Variants in PEBP4 observed in about 807,000 individuals in gnomAD.
PEBP4 encodes the protein phosphatidylethanolamine-binding protein 4.
In PEBP4, 22 loss-of-function variants were observed where a neutral mutation model predicts 23.9. The observed-to-expected ratio is 0.92, with a 90% confidence interval of 0.66 to 1.31. The LOEUF (loss-of-function observed/expected upper bound fraction) is 1.31. PEBP4 is among the 40% of genes most tolerant of loss of function. The pLI is 0.00. For missense variants in PEBP4, 324 were observed against 281.7 expected (o/e 1.15, Z -1.07); for synonymous variants, 112 against 99.3 (o/e 1.13, Z -0.76).
At position 22,813,027 on chromosome 8, in the gene PEBP4, C is replaced by G. The variant is rs563999560; in HGVS notation, c.357+4610G>C. On this transcript the variant is annotated intron_variant, in intron 4 of 6. Transcript: ENST00000256404. Reference sequence around the variant, plus strand: ...TCAAGCACAAGTGTCCTGGCATGTGCTACCCACATAACTAGAAAGCAGGGA... The same window carrying G: ...TCAAGCACAAGTGTCCTGGCATGTGGTACCCACATAACTAGAAAGCAGGGA... Among the ~76,000 whole-genome samples the G allele has an allele frequency of 2.6e-5, 4 of 152,302 alleles. 1 individual carries two copies. In the South Asian group the frequency reaches 8.3e-4, roughly 32 times the overall value.
At chr8:22,771,927 T>C (rs757332395) in intron 4 of PEBP4, among the ~76,000 whole-genome samples, 3 of 152,276 alleles carry the variant, frequency 2.0e-5, no homozygotes, top group Non-Finnish European at 4.4e-5. Flanking sequence ...ACAGTGCCTA[T>C]GGGGTAGCCC....
intron 3 of PEBP4, among the ~76,000 whole-genome samples, chr8:22,838,432 T>C (rs747467439): frequency 1.3e-5 from 2 of 152,200 alleles, no homozygotes; most frequent in Non-Finnish European, 2.9e-5. Flanking sequence ...CCTGACACTG[T>C]ATTGCTTGCT....
intron 3 of PEBP4, among the ~76,000 whole-genome samples, chr8:22,903,997 G>C (rs550651446): frequency 6.6e-6 from 1 of 152,354 alleles, no homozygotes; most frequent in Non-Finnish European, 1.5e-5. Flanking sequence ...TTGAGTTCCT[G>C]TCTTTGTTCA....
At position 22,746,008 on chromosome 8, in the gene PEBP4, C is replaced by A. The variant is rs538151826; in HGVS notation, c.358-18788G>T. 2.0e-5 allele frequency among the ~76,000 whole-genome samples: 3 copies of A among 152,312 alleles called. No homozygotes were observed. In the East Asian group the frequency reaches 5.8e-4, roughly 29 times the overall value. On this transcript the variant is annotated intron_variant, in intron 4 of 6. Transcript: ENST00000256404. ...CTTAGAAAAATATGGGAGAAAGTGA[C>A]AAATGGACTGCTCATGTGTCTGTGG...
chr8:22,740,508 G>A (rs1424915255), intron 4 of PEBP4, among the ~76,000 whole-genome samples: 1 of 152,188 alleles, frequency 6.6e-6, no homozygotes, highest in African/African-American at 2.4e-5. Flanking sequence ...ACTAAAGTCT[G>A]TGAAGCCCCT....
intron 4 of PEBP4, among the ~76,000 whole-genome samples, chr8:22,799,276 A>G (rs1250211281): frequency 6.6e-6 from 1 of 152,210 alleles, no homozygotes; most frequent in East Asian, 1.9e-4. Flanking sequence ...GGCCCAGCCA[A>G]AAGTCCAGTG....
chr8:22,900,020 C>A (rs1024006854), intron 3 of PEBP4, among the ~76,000 whole-genome samples: 16 of 152,294 alleles, frequency 1.1e-4, no homozygotes, highest in African/African-American at 3.6e-4. Flanking sequence ...CTATCACCAC[C>A]TGCCTGCATG....
intron 4 of PEBP4, among the ~76,000 whole-genome samples, chr8:22,737,991 C>T (rs567132461): frequency 5.3e-5 from 8 of 152,258 alleles, no homozygotes; most frequent in Admixed American, 1.3e-4. Context: ...CTGCCTCCGT[C>T]CACCCTTGGA....
chr8:22,766,596 C>T (rs553274589), intron 4 of PEBP4, among the ~76,000 whole-genome samples: 3 of 152,342 alleles, frequency 2.0e-5, no homozygotes, highest in Admixed American at 6.5e-5. Context: ...GCCTGTGACA[C>T]ATCCCTGCAC....
intron 4 of PEBP4, among the ~76,000 whole-genome samples, chr8:22,751,622 G>T (rs1324702734): frequency 1.4e-5 from 1 of 71,404 alleles, no homozygotes; most frequent in Admixed American, 1.9e-4. Flanking sequence ...GTGTGTGTGT[G>T]TGTGTCTCTG....
intron 4 of PEBP4, chr8:22,754,910 G>A (rs1255492457): frequency 2.0e-5 from 3 of 152,276 alleles, no homozygotes; most frequent in Non-Finnish European, 1.5e-5. Flanking sequence ...TCTATAGAAT[G>A]GGAGGGCTGG....
At chr8:22,789,885 G>T (rs758056953) in intron 4 of PEBP4, among the ~76,000 whole-genome samples, 1 of 152,240 alleles carries the variant, frequency 6.6e-6, no homozygotes, top group Non-Finnish European at 1.5e-5. Context: ...CAGGTGCAAC[G>T]GGCAGATGCC....
intron 4 of PEBP4, among the ~76,000 whole-genome samples, chr8:22,795,163 A>ATATATATATATAT (rs1563218555): frequency 2.1e-5 from 1 of 47,344 alleles, no homozygotes; most frequent in African/African-American, 1.0e-4. Context: ...ATATATATAT[A>ATATATATATATAT]TTTTTTTTTT....
intron 3 of PEBP4, among the ~76,000 whole-genome samples, chr8:22,838,393 G>C (rs1807250589): frequency 6.6e-6 from 1 of 152,130 alleles, no homozygotes; most frequent in South Asian, 2.1e-4. Context: ...TTTGGCCACA[G>C]AGCTGGATGA....
At chr8:22,760,063 C>T (rs771525822) in intron 4 of PEBP4, among the ~76,000 whole-genome samples, 4 of 152,184 alleles carry the variant, frequency 2.6e-5, no homozygotes, top group African/African-American at 4.8e-5. Context: ...GTGCTCTTAT[C>T]GTTGCATTAT....
chr8:22,792,902 C>G (rs1313741073), intron 4 of PEBP4, among the ~76,000 whole-genome samples: 4 of 152,160 alleles, frequency 2.6e-5, no homozygotes, highest in Admixed American at 1.3e-4. Context: ...ACCACAGACT[C>G]CTTGGAGTGG....
chr8:22,864,838 G>T (rs925559708), intron 3 of PEBP4, among the ~76,000 whole-genome samples: 3 of 152,242 alleles, frequency 2.0e-5, no homozygotes, highest in African/African-American at 7.2e-5. Context: ...CACGGGGGCC[G>T]CTGGGCACCG....
At chr8:22,823,884 C>T (rs60454350) in intron 3 of PEBP4, among the ~76,000 whole-genome samples, 10 of 152,108 alleles carry the variant, frequency 6.6e-5, no homozygotes, top group East Asian at 1.9e-4. Context: ...AAAGACCATA[C>T]GAACAAGTTT....
chr8:22,791,579 C>T (rs1019203601), intron 4 of PEBP4, among the ~76,000 whole-genome samples: 30 of 152,162 alleles, frequency 2.0e-4, no homozygotes, highest in East Asian at 5.8e-4. Context: ...TGCGCGCACA[C>T]GCATGCACAT....
Sources: gnomAD v4.1 joint callset for allele counts (sites outside exome capture counted in the v4.1 genomes callset) on GRCh38, gnomAD v4.1.1 for gene constraint, MANE v1.5 for transcripts, NCBI Gene and HGNC (gene_info 2026-07-23, HGNC 2026-07-21) for gene names.